NRCAM: variants seen among roughly 807,000 people sequenced by gnomAD.
NRCAM encodes the protein neuronal cell adhesion molecule.
In NRCAM, 83 loss-of-function variants were observed where a neutral mutation model predicts 156.5. The ratio of observed to expected loss-of-function variants is 0.53; its 90% CI spans 0.44 to 0.64. NRCAM has a LOEUF of 0.64. Among genes scored for constraint, NRCAM ranks in the 30% least tolerant of loss-of-function variants. NRCAM has a pLI of 0.00. For missense variants in NRCAM, 1,417 were observed against 1,597.3 expected, an observed-to-expected ratio of 0.89 and a Z score of 1.92; for synonymous variants, 538 against 563.9, an observed-to-expected ratio of 0.95 and a Z score of 0.65.
chr7:108,419,772 ATAACT>A (rs1245783825), intron 1 of NRCAM, among the ~76,000 whole-genome samples: 2 of 152,226 alleles, frequency 1.3e-5, no homozygotes, highest in Non-Finnish European at 2.9e-5. Flanking sequence ...AGGTAAATAA[ATAACT>A]TAAATTTTCA....
At chr7:108,336,317 T>C (rs2099189674) in intron 2 of NRCAM, among the ~76,000 whole-genome samples, 1 of 152,154 alleles carries the variant, frequency 6.6e-6, no homozygotes, top group African/African-American at 2.4e-5. Context: ...CATCCATTTG[T>C]ATGCACCCAG....
intron 24 of NRCAM, 122 bp from the exon 25 acceptor site, chr7:108,180,549 C>T: frequency 1.4e-6 from 1 of 701,952 alleles, no homozygotes; most frequent in Non-Finnish European, 2.4e-6. Flanking sequence ...AAGAAAATTA[C>T]TAGCAAAACT....
At chr7:108,218,175 G>C (rs955920806) in intron 11 of NRCAM, among the ~76,000 whole-genome samples, 5 of 46,650 alleles carry the variant, frequency 1.1e-4, no homozygotes, top group Non-Finnish European at 1.9e-4. Context: ...CCCTTGGCTG[G>C]GGGGGGGGGG....
chr7:108,327,151 T>A (rs765341686), intron 2 of NRCAM, among the ~76,000 whole-genome samples: 6 of 152,088 alleles, frequency 3.9e-5, no homozygotes, highest in Non-Finnish European at 7.4e-5. Context: ...AACACAGCAT[T>A]TTGGAAAGGA....
At chr7:108,324,198 G>A (rs994347673) in intron 2 of NRCAM, among the ~76,000 whole-genome samples, 2 of 152,122 alleles carry the variant, frequency 1.3e-5, no homozygotes, top group African/African-American at 4.8e-5. Flanking sequence ...GAAGGGGAGT[G>A]AGATTGAGAC....
At chr7:108,170,586 C>T (rs1003257312) in intron 28 of NRCAM, among the ~76,000 whole-genome samples, 12 of 152,202 alleles carry the variant, frequency 7.9e-5, no homozygotes, top group Non-Finnish European at 1.3e-4. Flanking sequence ...CCAGACCAAA[C>T]CAATGTTCAT....
chr7:108,329,372 G>A (rs1405362406), intron 2 of NRCAM, among the ~76,000 whole-genome samples: 1 of 152,170 alleles, frequency 6.6e-6, no homozygotes, highest in Admixed American at 6.5e-5. Context: ...ATTATGTCCA[G>A]TAGGACCTCA....
At chr7:108,160,296 T>A in intron 31 of NRCAM, 65 bp downstream of exon 31, 1 of 1,457,510 alleles carries the variant, frequency 6.9e-7, no homozygotes, top group Non-Finnish European at 9.5e-7. Flanking sequence ...ATTTCCCCCA[T>A]GATCTTTTTA....
intron 3 of NRCAM, among the ~76,000 whole-genome samples, chr7:108,246,109 A>G (rs1241955702): frequency 1.3e-5 from 2 of 152,160 alleles, no homozygotes; most frequent in African/African-American, 4.8e-5. Flanking sequence ...ATGGTTGGGG[A>G]AAAAGAGGAA....
chr7:108,284,394 C>T (rs537079894), intron 3 of NRCAM, among the ~76,000 whole-genome samples: 1 of 152,256 alleles, frequency 6.6e-6, no homozygotes, highest in African/African-American at 2.4e-5. Context: ...CCCTAAAAAG[C>T]TCTAACAAGG....
At chr7:108,353,176 G>A (rs188007139) in intron 2 of NRCAM, among the ~76,000 whole-genome samples, 28 of 152,072 alleles carry the variant, frequency 1.8e-4, no homozygotes, top group African/African-American at 6.5e-4. Context: ...CCTCCTAGCT[G>A]CTTCCAGTGC....
chr7:108,253,412 T>G (rs2153930367), intron 3 of NRCAM, among the ~76,000 whole-genome samples: 1 of 151,842 alleles, frequency 6.6e-6, no homozygotes, highest in East Asian at 1.9e-4. Context: ...CCTGGAAGAG[T>G]AACAGTAATA....
intron 3 of NRCAM, among the ~76,000 whole-genome samples, chr7:108,295,286 A>C (rs527576549): frequency 3.9e-5 from 6 of 152,310 alleles, no homozygotes; most frequent in African/African-American, 1.4e-4. Flanking sequence ...ATAGATGAGT[A>C]AAGTGGGGTC....
Position 108,223,871 on chromosome 7 carries a change from A to C in NRCAM, c.779-35T>G, listed in dbSNP as rs767564245. The C allele has an allele frequency of 3.0e-5, 29 of 955,632 alleles. No individual in the cohort carries two copies. In the South Asian group the frequency reaches 3.7e-4, roughly 12 times the overall value. The allele number at this position is 955,632 out of a possible 1,614,324, so 59.2% of individuals were successfully genotyped here. ...AGAAAATCAGTATGCATTACAACTT[A>C]TAAATATGTATTTCTATAAACACTT... On this transcript the variant is annotated intron_variant, in intron 10 of 32. Transcript: ENST00000379028.
intron 3 of NRCAM, among the ~76,000 whole-genome samples, chr7:108,264,781 C>A (rs905649933): frequency 3.3e-5 from 5 of 152,204 alleles, no homozygotes; most frequent in Admixed American, 2.6e-4. Flanking sequence ...AGCCTGTATC[C>A]AGTCTTATTA....
intron 2 of NRCAM, among the ~76,000 whole-genome samples, chr7:108,349,258 G>C (rs1257730522): frequency 1.3e-5 from 2 of 151,526 alleles, no homozygotes; most frequent in Admixed American, 1.3e-4. Flanking sequence ...CTTTAAATTT[G>C]TGTAGTTATG....
At chr7:108,334,240 A>T (rs1239795362) in intron 2 of NRCAM, among the ~76,000 whole-genome samples, 1 of 152,194 alleles carries the variant, frequency 6.6e-6, no homozygotes, top group African/African-American at 2.4e-5. Context: ...AGTGTATGTG[A>T]TCACCTTTAC....
intron 2 of NRCAM, among the ~76,000 whole-genome samples, chr7:108,394,550 C>T (rs561666793): frequency 2.0e-5 from 3 of 152,306 alleles, no homozygotes; most frequent in African/African-American, 7.2e-5. Flanking sequence ...TTCTCATTTA[C>T]ATTCTCTGTG....
intron 3 of NRCAM, among the ~76,000 whole-genome samples, chr7:108,281,488 A>C (rs938460651): frequency 1.3e-5 from 2 of 152,254 alleles, no homozygotes; most frequent in Non-Finnish European, 2.9e-5. Flanking sequence ...GAGAAAAGGA[A>C]GCTATCTTGA....
Sources: allele counts gnomAD v4.1 joint callset (sites outside exome capture counted in the v4.1 genomes callset), GRCh38; gene constraint gnomAD v4.1.1; transcripts MANE v1.5; gene names NCBI Gene and HGNC (gene_info 2026-07-23, HGNC 2026-07-21).